Variants in CAMSAP3 observed in about 807,000 individuals in gnomAD.
The protein encoded by CAMSAP3 is calmodulin regulated spectrin associated protein family member 3.
In CAMSAP3, 34 loss-of-function variants were observed where a neutral mutation model predicts 112.5. The observed-to-expected ratio is 0.30, with a 90% CI of 0.23 to 0.40. The LOEUF (loss-of-function observed/expected upper bound fraction) is 0.40, where lower values mean the gene tolerates loss of function less well. CAMSAP3 is among the 10% of genes least tolerant of loss of function. The pLI is 1.00. For missense variants in CAMSAP3, 1,602 were observed against 1,770.3 expected, an observed-to-expected ratio of 0.90 and a Z score of 1.71; for synonymous variants, 868 against 799.8, an observed-to-expected ratio of 1.09 and a Z score of -1.44.
rs778719822 is a variant in CAMSAP3 at position 7,610,823 on chromosome 19, C to T, written c.994+30C>T. 1.0e-5 allele frequency: 14 copies of T among 1,401,078 alleles called. No individual in the cohort carries two copies. The highest frequency in any genetic ancestry group is 6.9e-5 in the Admixed American group (4 of 58,088). The allele number at this position is 1,401,078 out of a possible 1,614,324, so 86.8% of individuals were successfully genotyped here. ...GGCCCTGGGGGCCTGGGGGCCGGGT[C>T]GGGGGCGGGTGGGAGAGCCAAACCC... is the stretch of plus-strand genomic sequence containing the variant. On this transcript the variant is annotated intron_variant, in intron 7 of 16. Transcript: ENST00000160298. The surrounding 1 kb of genome is among the most constrained non-coding windows in gnomAD (Gnocchi z 4.9).
chr19:7,611,803 C>G lies in CAMSAP3; in HGVS notation c.1310C>G (p.Pro437Arg). ...LRSVSSDSLG[P>R]PRPAPARTPT... ...TCTGTGAGCTCGGACAGCCTGGGCC[C>G]CCCGCGTCCCGCGCCGGCCAGGACC... Residue 437 changes from proline (P) to arginine (R), a missense_variant, in exon 11 of 17, where the codon CCC (proline) becomes CGC (arginine). Physicochemically the swap from Pro to Arg is moderately radical, Grantham distance 103 (BLOSUM62 -2). Coordinates refer to ENST00000160298, the MANE Select transcript of CAMSAP3 (RefSeq NM_020902.2). This position sits in a 1 kb window ranked among gnomAD's most constrained non-coding sequence, Gnocchi z 6.9. The G allele has an allele frequency of 6.3e-7, 1 of 1,596,114 alleles. No homozygotes were observed. The highest frequency in any genetic ancestry group is 8.5e-7 in the Non-Finnish European group (1 of 1,171,962).
chr19:7,607,833 T>G lies in CAMSAP3; in HGVS notation c.622-293T>G. ...CCTCTCCCCCCAGCACGCAATTGCC[T>G]TCTGTTTGAAGGAGTCGGGGAGCAA... On this transcript the variant is annotated intron_variant, in intron 4 of 16. Transcript: ENST00000160298. The surrounding 1 kb of genome is among the most constrained non-coding windows in gnomAD (Gnocchi z 4.9). 1.5e-6 allele frequency: 2 copies of G among 1,361,224 alleles called. No homozygotes were observed. Among genetic ancestry groups the G allele is most frequent in the Admixed American group, 2.6e-5 (1 of 38,646 alleles). 84.3% of individuals were successfully genotyped at this position (1,361,224 alleles called of 1,614,324 possible). A position where few individuals can be genotyped will look rare whatever the true frequency, so the allele number is the denominator to read the frequency against.
At position 7,613,009 on chromosome 19, in the gene CAMSAP3, C is replaced by CCCGGCCGGGCCTCATCGAGAT. The variant is rs1448511466; in HGVS notation, c.2519_2539dup (p.Arg840_Ile846dup). The stretch of plus-strand genomic sequence containing the variant: ...GAGACGCCCCCCGAGGAGCCAGCCG[C>CCCGGCCGGGCCTCATCGAGAT]CCGGCCGGGCCTCATCGAGATCCCG... On this transcript the variant is annotated inframe_insertion, in exon 11 of 17. Coordinates refer to ENST00000160298, the MANE Select transcript of CAMSAP3 (RefSeq NM_020902.2). 5.1e-6 allele frequency: 8 copies of CCCGGCCGGGCCTCATCGAGAT among 1,564,050 alleles called. No individual in the cohort carries two copies. Among genetic ancestry groups the CCCGGCCGGGCCTCATCGAGAT allele is most frequent in the Non-Finnish European group, 6.9e-6 (8 of 1,156,564 alleles).
In CAMSAP3 at chr19:7,599,456, C is replaced by T. The variant is rs1453821013; in HGVS notation, c.148+3306C>T. ...CCTACCCACTGCACTCATCCATCCA[C>T]CCACCCACCCACCCACCCCACTCAT... On this transcript the variant is annotated intron_variant, in intron 1 of 16. Transcript: ENST00000160298. 1.1e-4 allele frequency among the ~76,000 whole-genome samples: 9 copies of T among 81,500 alleles called. 1 individual carries two copies. The allele number at this position is 81,500 out of a possible 152,430, so 53.5% of individuals were successfully genotyped here.
Position 7,610,488 on chromosome 19 carries a change from A to C in CAMSAP3, c.773A>C (p.Lys258Thr). 1 of 1,612,484 alleles carries C rather than the reference A, an allele frequency of 6.2e-7. No individual in the cohort carries two copies. The highest frequency in any genetic ancestry group is 1.1e-5 in the South Asian group (1 of 90,930). The change falls in exon 6 of 17, where the codon AAG becomes ACG. Residue 258 changes from lysine (K) to threonine (T), a missense_variant. By Grantham distance (78) the Lys-to-Thr change is moderately conservative. Transcript: ENST00000160298. The surrounding 1 kb of genome is among the most constrained non-coding windows in gnomAD (Gnocchi z 4.9). ...CCTGTCCCCACAGAGGTGTGCTTGA[A>C]GGACCCCATGTCTGTGGCGGACAGC... ...QLLRLEEVCLKDPMSVADSLY... is the reference protein window; with the variant it reads ...QLLRLEEVCLTDPMSVADSLY...
chr19:7,606,030 T>A (rs572089972), intron 2 of CAMSAP3, among the ~76,000 whole-genome samples: 1 of 152,038 alleles, frequency 6.6e-6, no homozygotes, highest in Non-Finnish European at 1.5e-5. Context: ...CAGCCCACCC[T>A]ATCCTAACGC....
Position 7,596,040 on chromosome 19 carries a change from G to T in CAMSAP3, c.38G>T (p.Arg13Leu). 1 of 1,244,660 alleles carries T rather than the reference G, an allele frequency of 8.0e-7. No individual in the cohort carries two copies. Among genetic ancestry groups the T allele is most frequent in the South Asian group, 1.5e-5 (1 of 64,872 alleles). 77.1% of individuals were successfully genotyped at this position (1,244,660 alleles called of 1,614,324 possible). ...EAAPPGPGPL[R>L]RTFLVPEIKS... ...GCGCCCCCCGGGCCCGGGCCGCTGC[G>T]GAGGACCTTTCTAGTGCCCGAGATC... Residue 13 changes from arginine to leucine, a missense_variant, in exon 1 of 17, where the codon CGG becomes CTG. Coordinates refer to ENST00000160298, the MANE Select transcript of CAMSAP3 (RefSeq NM_020902.2).
At position 7,612,175 on chromosome 19, in the gene CAMSAP3, A is replaced by G. The variant is rs1398264120; in HGVS notation, c.1682A>G (p.Glu561Gly). ...VASSPAATNS[E>G]VKMTSFAERK... ...TCGTCCCCAGCAGCCACCAACTCCG[A>G]GGTGAAAATGACCAGCTTTGCAGAA... Residue 561 changes from glutamate (E) to glycine (G), a missense_variant, in exon 11 of 17, where the codon GAG becomes GGG. Around this residue, in one of 6 missense-constraint regions of CAMSAP3, gnomAD observed 1,100 missense variants for 1,135.7 expected, o/e 0.97. Coordinates refer to ENST00000160298, the MANE Select transcript of CAMSAP3 (RefSeq NM_020902.2). The G allele has an allele frequency of 1.2e-6, 2 of 1,611,126 alleles. No homozygotes were observed. The highest frequency in any genetic ancestry group is 8.5e-7 in the Non-Finnish European group (1 of 1,179,212).
At chr19:7,609,904 C>T (rs1291549310) in intron 5 of CAMSAP3, among the ~76,000 whole-genome samples, 1 of 152,126 alleles carries the variant, frequency 6.6e-6, no homozygotes, top group African/African-American at 2.4e-5. Context: ...TTCGGGTGGT[C>T]CTGCAAGTGA....
rs1056475922 is a variant in CAMSAP3 at position 7,610,667 on chromosome 19, G to A, written c.901-33G>A. The A allele has an allele frequency of 1.9e-6, 3 of 1,613,748 alleles. No homozygotes were observed. Among genetic ancestry groups the A allele is most frequent in the African/African-American group, 1.3e-5 (1 of 74,932 alleles). On this transcript the variant is annotated intron_variant, in intron 6 of 16. Coordinates refer to ENST00000160298, the MANE Select transcript of CAMSAP3 (RefSeq NM_020902.2). This position sits in a 1 kb window ranked among gnomAD's most constrained non-coding sequence, Gnocchi z 4.9. ...CCGAGGCGGGCATCTGGGGCCAGGG[G>A]TCCCGTCTGCTGACCCGGCCTCCCA... is the stretch of plus-strand genomic sequence containing the variant.
intron 13 of CAMSAP3, 159 bp from the exon 14 acceptor site, chr19:7,616,364 C>A (rs1182114053): frequency 6.8e-6 from 4 of 591,174 alleles, no homozygotes; most frequent in Non-Finnish European, 1.2e-5. Flanking sequence ...GGCAAAGCAT[C>A]CTCCCTCATA....
chr19:7,611,842 C>T lies in CAMSAP3; in HGVS notation c.1349C>T (p.Pro450Leu), dbSNP rs1448121721. The change falls in exon 11 of 17, where the codon CCC becomes CTC. Residue 450 changes from proline (P) to leucine (L), a missense_variant. Pro to Leu is a moderately conservative substitution (Grantham distance 98). Coordinates refer to ENST00000160298, the MANE Select transcript of CAMSAP3 (RefSeq NM_020902.2). The surrounding 1 kb of genome is among the most constrained non-coding windows in gnomAD (Gnocchi z 6.9). ...CCGGCCAGGACCCCCACCCAGCCAC[C>T]CCCGGAGCCTGGTGACCTGCCCACC... ...PAPARTPTQP[P>L]PEPGDLPTIE... The T allele has an allele frequency of 1.3e-6, 2 of 1,574,308 alleles. No homozygotes were observed. The highest frequency in any genetic ancestry group is 3.6e-5 in the Admixed American group (2 of 55,236).
At chr19:7,602,938 G>T (rs1041040836) in intron 1 of CAMSAP3, among the ~76,000 whole-genome samples, 1 of 151,746 alleles carries the variant, frequency 6.6e-6, no homozygotes, top group Admixed American at 6.6e-5. Context: ...GAGGTGGAGG[G>T]GGGCTGGGAG....
rs752543972 is a variant in CAMSAP3 at position 7,617,510 on chromosome 19, C to A, written c.3326-33C>A. On this transcript the variant is annotated intron_variant, in intron 15 of 16. Transcript: ENST00000160298. The surrounding 1 kb of genome is among the most constrained non-coding windows in gnomAD (Gnocchi z 7.5). ...CCACAGCCCCTGCTCATTCCTGCTG[C>A]CCCCCACCCCCTCCCACTGCCTCAC... 3.1e-6 allele frequency: 5 copies of A among 1,596,526 alleles called. No individual in the cohort carries two copies. The highest frequency in any genetic ancestry group is 4.3e-6 in the Non-Finnish European group (5 of 1,164,210).
intron 3 of CAMSAP3, 38 bp downstream of exon 3, chr19:7,606,431 G>T: frequency 6.2e-7 from 1 of 1,611,420 alleles, no homozygotes. Context: ...TCGGGGACCA[G>T]CATCGTCCAG....
intron 1 of CAMSAP3, among the ~76,000 whole-genome samples, chr19:7,601,746 ATAAAATAAAT>A (rs1320779947): frequency 1.3e-5 from 2 of 149,574 alleles, no homozygotes; most frequent in Non-Finnish European, 3.0e-5. Context: ...ATAAAATAAA[ATAAAATAAAT>A]GAATAAATAA....
intron 2 of CAMSAP3, 121 bp from the exon 3 acceptor site, chr19:7,606,150 A>ACCCCCCCCCCCCCCCCCCAACCC: frequency 3.8e-6 from 1 of 265,232 alleles, no homozygotes; most frequent in South Asian, 3.3e-5. Context: ...CGCCCCCTCA[A>ACCCCCCCCCCCCCCCCCCAACCC]GCCCCACCCC....
In CAMSAP3 at chr19:7,605,429, C is replaced by T. The variant is rs1192359347; in HGVS notation, c.352C>T (p.Pro118Ser). The change falls in exon 2 of 17, where the codon CCC becomes TCC. Residue 118 changes from proline to serine, a missense_variant. Physicochemically the swap from Pro to Ser is moderately conservative, Grantham distance 74 (BLOSUM62 -1). Transcript: ENST00000160298. ...GCGGAGGGGCACAGTGCCTGCTTTG[C>T]CCGAGCGCCCGGTGCGCGAGGCCGA... ...LARRGTVPAL[P>S]ERPVREADLR... 1.4e-6 allele frequency: 2 copies of T among 1,462,160 alleles called. No homozygotes were observed. The highest frequency in any genetic ancestry group is 2.6e-5 in the Admixed American group (1 of 38,604). 90.6% of individuals were successfully genotyped at this position (1,462,160 alleles called of 1,614,324 possible).
chr19:7,610,626 C>A lies in CAMSAP3; in HGVS notation c.900+11C>A. On this transcript the variant is annotated intron_variant, in intron 6 of 16. Coordinates refer to ENST00000160298, the MANE Select transcript of CAMSAP3 (RefSeq NM_020902.2). The surrounding 1 kb of genome is among the most constrained non-coding windows in gnomAD (Gnocchi z 4.9). The stretch of plus-strand genomic sequence containing the variant: ...CCACCGCCACTCAAGGTAAGGCCAT[C>A]CTGGGGCCTCCTGGGCCGAGGCGGG... The A allele has an allele frequency of 6.2e-6, 10 of 1,613,602 alleles. No homozygotes were observed. Among genetic ancestry groups the A allele is most frequent in the Non-Finnish European group, 8.5e-6 (10 of 1,179,906 alleles).
Sources: gnomAD v4.1 joint callset for allele counts (sites outside exome capture counted in the v4.1 genomes callset) on GRCh38, gnomAD v4.1.1 for gene constraint, gnomAD v4.1.1 regional missense constraint, Gnocchi (gnomAD v3.1) non-coding constraint, MANE v1.5 for transcripts, NCBI Gene and HGNC (gene_info 2026-07-23, HGNC 2026-07-21) for gene names.